The following APLF variants were observed in gnomAD, a reference collection of about 807,000 sequenced individuals.
The protein encoded by APLF is aprataxin and PNK-like factor.
A neutral mutation model predicts 55.6 loss-of-function variants in APLF; 61 were observed. The observed-to-expected ratio is 1.10, with a 90% confidence interval of 0.89 to 1.36. The LOEUF is 1.36. APLF is among the 40% of genes most tolerant of loss of function. The pLI, the probability that APLF is intolerant of heterozygous loss-of-function variation, is 0.00. For synonymous variants in APLF, 207 were observed against 214.8 expected (o/e 0.96, Z 0.32); for missense variants, 611 against 602.5 (o/e 1.01, Z -0.15).
chr2:68,528,253 C>A, intron 6 of APLF: 3 of 1,287,846 alleles, frequency 2.3e-6, no homozygotes, highest in Non-Finnish European at 3.3e-6. Context: ...GCTGTCTCTT[C>A]TTTCTCCTCC....
intron 2 of APLF, among the ~76,000 whole-genome samples, chr2:68,490,866 T>C (rs948389534): frequency 6.6e-6 from 1 of 152,190 alleles, no homozygotes; most frequent in Non-Finnish European, 1.5e-5. Flanking sequence ...TGTAAGAGAA[T>C]GAAATACGTA....
chr2:68,493,949 ATACAAGAAAT>A (rs1454309172), intron 2 of APLF, among the ~76,000 whole-genome samples: 1 of 152,060 alleles, frequency 6.6e-6, no homozygotes, highest in Non-Finnish European at 1.5e-5. Flanking sequence ...TCTACTAAAA[ATACAAGAAAT>A]TATCCAGGCG....
chr2:68,552,229 C>T (rs1670886753), intron 8 of APLF, among the ~76,000 whole-genome samples: 1 of 152,010 alleles, frequency 6.6e-6, no homozygotes, highest in South Asian at 2.1e-4. Flanking sequence ...TTCACATTGC[C>T]TTTTTTGAAA....
At chr2:68,504,011 A>G (rs188787935) in intron 3 of APLF, among the ~76,000 whole-genome samples, 186 of 152,140 alleles carry the variant, frequency 1.2e-3, no homozygotes, top group African/African-American at 4.4e-3. Context: ...AGGGGATATC[A>G]TTACTGCTAC....
chr2:68,566,576 T>C (rs1057205861), intron 8 of APLF, among the ~76,000 whole-genome samples: 1 of 152,100 alleles, frequency 6.6e-6, no homozygotes, highest in African/African-American at 2.4e-5. Context: ...TCAGCACATA[T>C]CTGTTGTTAG....
chr2:68,481,662 G>A (rs542011566), intron 1 of APLF, among the ~76,000 whole-genome samples: 35 of 152,236 alleles, frequency 2.3e-4, no homozygotes, highest in Middle Eastern at 3.4e-3. Context: ...CAAGGCTTGG[G>A]AGGTTTTCAG....
intron 5 of APLF, among the ~76,000 whole-genome samples, chr2:68,516,474 A>T (rs1355116594): frequency 6.6e-6 from 1 of 151,152 alleles, no homozygotes; most frequent in Non-Finnish European, 1.5e-5. Context: ...TTTGTGAAAC[A>T]GGTGGTGTTT....
chr2:68,554,810 G>C (rs1191976031), intron 8 of APLF, among the ~76,000 whole-genome samples: 1 of 150,776 alleles, frequency 6.6e-6, no homozygotes, highest in Non-Finnish European at 1.5e-5. Flanking sequence ...GAATCTTTAG[G>C]GTTTTAGAAA....
At chr2:68,472,648 G>T (rs1183072331) in intron 1 of APLF, among the ~76,000 whole-genome samples, 2 of 152,134 alleles carry the variant, frequency 1.3e-5, no homozygotes, top group East Asian at 3.8e-4. Context: ...GTAGCATGTT[G>T]AGTTTGACTG....
Position 68,502,904 on chromosome 2 carries a change from G to T in APLF, c.341+1G>T. 6 of 1,597,326 alleles carry T rather than the reference G, an allele frequency of 3.8e-6. No homozygotes were observed. Among genetic ancestry groups the T allele is most frequent in the Non-Finnish European group, 5.1e-6 (6 of 1,174,404 alleles). On this transcript the variant is annotated splice_donor_variant, in intron 3 of 9. Coordinates refer to ENST00000303795, the MANE Select transcript of APLF (RefSeq NM_173545.3). LOFTEE classifies it high-confidence loss of function. Reference sequence around the variant, plus strand: ...AAGTGGAAATGCAATGTACCTTAAGGTAAGTGCCTGATGAAATGAGAGTAA... The same window carrying T: ...AAGTGGAAATGCAATGTACCTTAAGTTAAGTGCCTGATGAAATGAGAGTAA...
At chr2:68,490,073 A>G in intron 1 of APLF, 117 bp from the exon 2 acceptor site, 1 of 571,854 alleles carries the variant, frequency 1.7e-6, no homozygotes, top group Non-Finnish European at 3.0e-6. Context: ...TGAATGATAT[A>G]TTTCATATCT....
chr2:68,509,959 A>G (rs1453994303), intron 3 of APLF, among the ~76,000 whole-genome samples: 2 of 151,564 alleles, frequency 1.3e-5, no homozygotes, highest in African/African-American at 2.4e-5. Flanking sequence ...TCAGCAAACT[A>G]TCGCAAGGAC....
At chr2:68,469,020 GT>G (rs1240257822) in intron 1 of APLF, among the ~76,000 whole-genome samples, 37 of 107,100 alleles carry the variant, frequency 3.5e-4, no homozygotes, top group East Asian at 2.4e-3. Context: ...GTGTGTGTGT[GT>G]TGTGTGTTGT....
Position 68,513,219 on chromosome 2 carries a change from A to G in APLF, c.481A>G (p.Asn161Asp), listed in dbSNP as rs752405980. The stretch of plus-strand genomic sequence containing the variant: ...AGCCAAGACCCAGATGACTCCCACA[A>G]ATAGTGTGGTGAGAAATTTGATATC... ...EIAKTQMTPT[N>D]SVSFLGENRD... is the part of the protein sequence containing the mutation. The change falls in exon 4 of 10, where the codon AAT becomes GAT. Residue 161 changes from asparagine to aspartate, a missense_variant. By Grantham distance (23) the Asn-to-Asp change is conservative. Transcript: ENST00000303795. 5.6e-6 allele frequency: 9 copies of G among 1,601,064 alleles called. No individual in the cohort carries two copies. In the Admixed American group the frequency reaches 1.4e-4, roughly 25 times the overall value.
At chr2:68,477,038 CTA>C (rs906776073) in intron 1 of APLF, among the ~76,000 whole-genome samples, 2 of 152,040 alleles carry the variant, frequency 1.3e-5, no homozygotes, top group African/African-American at 2.4e-5. Context: ...AGGTAGTAGT[CTA>C]TTTTATCATT....
intron 7 of APLF, among the ~76,000 whole-genome samples, chr2:68,544,331 T>C (rs1341171536): frequency 6.6e-6 from 1 of 152,140 alleles, no homozygotes. Flanking sequence ...CTTTTTTTAC[T>C]GCCATTCACT....
chr2:68,513,233 A>G lies in APLF; in HGVS notation c.489+6A>G. 1.3e-6 allele frequency: 2 copies of G among 1,595,378 alleles called. No individual in the cohort carries two copies. The highest frequency in any genetic ancestry group is 1.7e-6 in the Non-Finnish European group (2 of 1,173,842). ...TGACTCCCACAAATAGTGTGGTGAG[A>G]AATTTGATATCTCATCCATTTATAA... On this transcript the variant is annotated splice_donor_region_variant and intron_variant, in intron 4 of 9. Coordinates refer to ENST00000303795, the MANE Select transcript of APLF (RefSeq NM_173545.3).
chr2:68,517,289 A>C (rs1405396420), intron 5 of APLF, among the ~76,000 whole-genome samples: 1 of 122,912 alleles, frequency 8.1e-6, no homozygotes, highest in Non-Finnish European at 1.6e-5. Flanking sequence ...ATAATATATT[A>C]ATATATGTCA....
chr2:68,492,940 C>T (rs1676416485), intron 2 of APLF, among the ~76,000 whole-genome samples: 2 of 152,034 alleles, frequency 1.3e-5, no homozygotes, highest in Non-Finnish European at 2.9e-5. Flanking sequence ...TATCCTTTTT[C>T]GAGTACCTTT....
Sources: gnomAD v4.1 joint callset for allele counts (sites outside exome capture counted in the v4.1 genomes callset) on GRCh38, gnomAD v4.1.1 for gene constraint, MANE v1.5 for transcripts, NCBI Gene and HGNC (gene_info 2026-07-23, HGNC 2026-07-21) for gene names.